MCCC2: variants seen among roughly 807,000 people sequenced by gnomAD.
The protein encoded by MCCC2 is methylcrotonoyl-CoA carboxylase beta chain, mitochondrial.
In MCCC2, 52 loss-of-function variants were observed where a neutral mutation model predicts 77.2. The ratio of observed to expected loss-of-function variants is 0.67; its 90% CI spans 0.54 to 0.85. The LOEUF (loss-of-function observed/expected upper bound fraction) is 0.85. Ranked by LOEUF, MCCC2 falls within the 40% of genes least tolerant of loss-of-function variation. The probability of loss-of-function intolerance (pLI) is 0.00; values close to 1 mark genes in which losing one functional copy is unlikely to be tolerated. For missense variants in MCCC2, 682 were observed against 703.2 expected (o/e 0.97, Z 0.34); for synonymous variants, 253 against 248.4 (o/e 1.02, Z -0.18).
At chr5:71,599,284 C>A (rs889460645) in intron 3 of MCCC2, among the ~76,000 whole-genome samples, 1 of 152,044 alleles carries the variant, frequency 6.6e-6, no homozygotes, top group South Asian at 2.1e-4. Flanking sequence ...GCAGGAGAAT[C>A]GCTTGAACTC....
chr5:71,610,963 C>T (rs895232217), intron 6 of MCCC2, among the ~76,000 whole-genome samples: 10 of 151,404 alleles, frequency 6.6e-5, no homozygotes, highest in East Asian at 4.0e-4. Context: ...TCCAGCCTGG[C>T]GACGAAGTGA....
chr5:71,633,133 T>TTA (rs1210593059), intron 8 of MCCC2, among the ~76,000 whole-genome samples: 50 of 113,008 alleles, frequency 4.4e-4, no homozygotes, highest in African/African-American at 2.0e-3. Context: ...ATATATATAT[T>TTA]TTTATTTTTT....
Position 71,632,198 on chromosome 5 carries a change from TG to T in MCCC2, c.803+15del. On this transcript the variant is annotated intron_variant, in intron 8 of 16. Coordinates refer to ENST00000340941, the MANE Select transcript of MCCC2 (RefSeq NM_022132.5). ...ATCTTCATTGCAGGTGAAACAGAAA[TG>T]GTTGTTTCTTTCCGGGATTGAGTGT... is the stretch of plus-strand genomic sequence containing the variant. 1 of 1,613,466 alleles carries T rather than the reference TG, an allele frequency of 6.2e-7. No homozygotes were observed. The highest frequency in any genetic ancestry group is 8.5e-7 in the Non-Finnish European group (1 of 1,179,398).
chr5:71,626,018 A>G (rs1480264184), intron 6 of MCCC2, among the ~76,000 whole-genome samples: 1 of 152,186 alleles, frequency 6.6e-6, no homozygotes, highest in Non-Finnish European at 1.5e-5. Flanking sequence ...TTTCTGAGCA[A>G]GATTTTTTTA....
chr5:71,643,687 A>G, intron 11 of MCCC2, 132 bp from the exon 12 acceptor site: 1 of 1,576,018 alleles, frequency 6.3e-7, no homozygotes, highest in South Asian at 1.1e-5. Context: ...GCTGTTTTAT[A>G]CCATAGACAA....
chr5:71,647,846 C>G (rs1259694740), intron 13 of MCCC2, among the ~76,000 whole-genome samples: 1 of 150,730 alleles, frequency 6.6e-6, no homozygotes, highest in Non-Finnish European at 1.5e-5. Context: ...ATGCAGTTTT[C>G]TTAAGATTGG....
At chr5:71,594,663 G>C (rs1745105188) in intron 2 of MCCC2, among the ~76,000 whole-genome samples, 1 of 152,064 alleles carries the variant, frequency 6.6e-6, no homozygotes, top group African/African-American at 2.4e-5. Flanking sequence ...AGAGGACTGA[G>C]CCGGACTCCC....
At chr5:71,639,581 A>G (rs1747049003) in intron 10 of MCCC2, among the ~76,000 whole-genome samples, 1 of 152,216 alleles carries the variant, frequency 6.6e-6, no homozygotes, top group Non-Finnish European at 1.5e-5. Flanking sequence ...ATCAGCAACA[A>G]GGCTGTTTTT....
At chr5:71,590,749 G>A (rs1325685982) in intron 1 of MCCC2, among the ~76,000 whole-genome samples, 3 of 151,974 alleles carry the variant, frequency 2.0e-5, no homozygotes, top group Non-Finnish European at 4.4e-5. Flanking sequence ...CCCGGGAGGC[G>A]GAGGTTGCAG....
chr5:71,604,732 TC>T (rs1443574691), intron 6 of MCCC2, among the ~76,000 whole-genome samples: 1 of 143,454 alleles, frequency 7.0e-6, no homozygotes, highest in African/African-American at 2.6e-5. Context: ...CCCTCCCCGC[TC>T]CCCCCACCCC....
chr5:71,641,184 C>T, intron 11 of MCCC2, 109 bp downstream of exon 11: 1 of 975,574 alleles, frequency 1.0e-6, no homozygotes. Flanking sequence ...TTGTTGAGAG[C>T]ACTACAAATG....
intron 15 of MCCC2, 111 bp from the exon 16 acceptor site, chr5:71,652,550 GCACATGTT>G: frequency 1.3e-6 from 1 of 789,354 alleles, no homozygotes; most frequent in South Asian, 1.5e-5. Context: ...ACATCACTAT[GCACATGTT>G]AGATGTAACA....
intron 10 of MCCC2, among the ~76,000 whole-genome samples, chr5:71,638,544 G>A (rs1044414919): frequency 5.9e-5 from 9 of 151,598 alleles, no homozygotes; most frequent in Non-Finnish European, 1.0e-4. Flanking sequence ...TTTTTGAGAC[G>A]GAGTCTCGCT....
intron 4 of MCCC2, among the ~76,000 whole-genome samples, chr5:71,600,080 G>A (rs1444912931): frequency 1.3e-5 from 2 of 152,044 alleles, no homozygotes; most frequent in Non-Finnish European, 2.9e-5. Context: ...CAGGAGAATC[G>A]CTTGAACCTG....
intron 6 of MCCC2, among the ~76,000 whole-genome samples, chr5:71,611,294 C>T (rs1424072918): frequency 1.3e-5 from 2 of 152,018 alleles, no homozygotes; most frequent in Non-Finnish European, 2.9e-5. Flanking sequence ...TTCCAGCTTT[C>T]AGGAGGCTGA....
At chr5:71,613,411 C>A (rs946597914) in intron 6 of MCCC2, among the ~76,000 whole-genome samples, 2 of 152,194 alleles carry the variant, frequency 1.3e-5, no homozygotes, top group African/African-American at 2.4e-5. Flanking sequence ...TTGGAATAAG[C>A]AATACCTGCT....
intron 3 of MCCC2, 130 bp downstream of exon 3, chr5:71,596,494 G>A (rs1745194683): frequency 3.6e-6 from 3 of 843,382 alleles, no homozygotes; most frequent in Admixed American, 3.9e-5. Flanking sequence ...TTTATTGAGA[G>A]CCTACTATGT....
chr5:71,588,411 T>C (rs1186201272), intron 1 of MCCC2, among the ~76,000 whole-genome samples: 1 of 152,214 alleles, frequency 6.6e-6, no homozygotes, highest in Non-Finnish European at 1.5e-5. Flanking sequence ...AATTTCACTG[T>C]GTTCCCACGA....
In MCCC2 at chr5:71,656,851, C is replaced by T. The variant is rs887853830; in HGVS notation, c.1683C>T (p.Phe561=). Reference sequence around the variant, plus strand: ...TAGAGAAGACTGACTTCGGTATCTTCAGGATGTAACTGGAATAAAGGATGT... The same window carrying T: ...TAGAGAAGACTGACTTCGGTATCTTTAGGATGTAACTGGAATAAAGGATGT... ...APIEKTDFGI[F]RM Residue 561 remains phenylalanine, a synonymous_variant, in exon 17 of 17, where the codon TTC becomes TTT. Transcript: ENST00000340941. 4 of 1,610,938 alleles carry T rather than the reference C, an allele frequency of 2.5e-6. No individual in the cohort carries two copies. The highest frequency in any genetic ancestry group is 1.7e-6 in the Non-Finnish European group (2 of 1,177,066).
Sources: allele counts gnomAD v4.1 joint callset (sites outside exome capture counted in the v4.1 genomes callset), GRCh38; gene constraint gnomAD v4.1.1; transcripts MANE v1.5; gene names NCBI Gene and HGNC (gene_info 2026-07-23, HGNC 2026-07-21).